Variants in RAB7B observed in about 807,000 individuals in gnomAD.
RAB7B encodes RAB7B, member RAS oncogene family, also known as ras-related protein Rab-7b.
intron 4 of RAB7B, among the ~76,000 whole-genome samples, chr1:205,987,382 C>T (rs1660630116): frequency 1.3e-5 from 2 of 152,162 alleles, no homozygotes; most frequent in African/African-American, 2.4e-5. Context: ...TGCTTTTGGT[C>T]AACAATATAC....
chr1:205,989,676 C>G (rs2102638198), intron 4 of RAB7B, among the ~76,000 whole-genome samples: 1 of 152,260 alleles, frequency 6.6e-6, no homozygotes, highest in East Asian at 1.9e-4. Flanking sequence ...CCACCCCAGC[C>G]CTGGCCCTTC....
At position 205,977,018 on chromosome 1, in the gene RAB7B, C is replaced by T. The variant is rs1660390786; in HGVS notation, c.*1833G>A. On this transcript the variant is annotated 3_prime_UTR_variant, in exon 6 of 6. Coordinates refer to ENST00000617070, the MANE Select transcript of RAB7B (RefSeq NM_001164522.3). ...TGTCCAGAATGAGCCAGTTCACACT[C>T]CAGTGCCACGTGGGGGGAGAAGTGG... 1 of 152,298 alleles carries T rather than the reference C, an allele frequency of 6.6e-6. No individual in the cohort carries two copies. The highest frequency in any genetic ancestry group is 1.5e-5 in the Non-Finnish European group (1 of 68,106). 9.4% of individuals were successfully genotyped at this position (152,298 alleles called of 1,614,324 possible).
Position 205,985,782 on chromosome 1 carries a change from C to CCCCAGCAGG in RAB7B, c.397-118_397-117insCCTGCTGGG. The CCCCAGCAGG allele has an allele frequency of 4.2e-5, 3 of 70,884 alleles. 1 individual carries two copies. The highest frequency in any genetic ancestry group is 4.9e-4 in the Admixed American group (2 of 4,072). 4.4% of individuals were successfully genotyped at this position (70,884 alleles called of 1,614,324 possible). On this transcript the variant is annotated intron_variant, in intron 4 of 5. Coordinates refer to ENST00000617070, the MANE Select transcript of RAB7B (RefSeq NM_001164522.3). ...CCACCATCCCCACCATCCCCATCATCCCCACCAGGCCCACCATCCCCACCA... is the reference window on the plus strand; with the variant it reads ...CCACCATCCCCACCATCCCCATCATCCCCAGCAGGCCCACCAGGCCCACCATCCCCACCA...
At chr1:205,985,212 C>T (rs1660568260) in intron 5 of RAB7B, among the ~76,000 whole-genome samples, 1 of 152,146 alleles carries the variant, frequency 6.6e-6, no homozygotes, top group African/African-American at 2.4e-5. Flanking sequence ...TGGACTAGAC[C>T]ATCACTTCTC....
chr1:206,001,571 T>C lies in RAB7B; in HGVS notation c.-17+1682A>G, dbSNP rs996991095. Among the ~76,000 whole-genome samples, 71 of 152,236 alleles carry C rather than the reference T, an allele frequency of 4.7e-4. 1 individual carries two copies. The highest frequency in any genetic ancestry group is 2.4e-4 in the Non-Finnish European group (16 of 68,044). ...CAAACCAAGGAATCCTCCTAGAGGC[T>C]AGGCTGAGTCATCCTCTACTGTTAA... On this transcript the variant is annotated intron_variant, in intron 1 of 5. Transcript: ENST00000617070.
In RAB7B at chr1:205,977,609, A is replaced by G. The variant is rs1267523327; in HGVS notation, c.*1242T>C. 2 of 152,172 alleles carry G rather than the reference A, an allele frequency of 1.3e-5. No homozygotes were observed. Among genetic ancestry groups the G allele is most frequent in the African/African-American group, 4.8e-5 (2 of 41,416 alleles). The allele number at this position is 152,172 out of a possible 1,614,324, so 9.4% of individuals were successfully genotyped here. A position where few individuals can be genotyped will look rare whatever the true frequency, so the allele number is the denominator to read the frequency against. On this transcript the variant is annotated 3_prime_UTR_variant, in exon 6 of 6. Transcript: ENST00000617070. The stretch of plus-strand genomic sequence containing the variant: ...TCAGGCAGCAGAGCATCTAGGAGCC[A>G]CCCAAGGGAGCTGGGTCCCCTTTGC...
At chr1:205,984,687 C>T (rs1660558120) in intron 5 of RAB7B, among the ~76,000 whole-genome samples, 2 of 152,180 alleles carry the variant, frequency 1.3e-5, no homozygotes, top group Non-Finnish European at 2.9e-5. Flanking sequence ...TACCTGGTGT[C>T]TCAAGGAACC....
At chr1:205,992,045 T>C (rs949397514) in intron 4 of RAB7B, among the ~76,000 whole-genome samples, 1 of 152,192 alleles carries the variant, frequency 6.6e-6, no homozygotes, top group Non-Finnish European at 1.5e-5. Context: ...CAGGCAGAAA[T>C]GCTGTGCCAC....
At chr1:205,980,310 G>T (rs978299479) in intron 5 of RAB7B, among the ~76,000 whole-genome samples, 1 of 152,212 alleles carries the variant, frequency 6.6e-6, no homozygotes, top group Non-Finnish European at 1.5e-5. Flanking sequence ...TGCTAGTGTT[G>T]CCCTAATGAC....
intron 4 of RAB7B, among the ~76,000 whole-genome samples, chr1:205,988,794 G>A (rs1339192675): frequency 6.6e-6 from 1 of 152,136 alleles, no homozygotes; most frequent in East Asian, 1.9e-4. Context: ...TCTGCGGGAC[G>A]GGCTCCGAGG....
chr1:205,978,706 G>T lies in RAB7B; in HGVS notation c.*145C>A, dbSNP rs1167742040. 4 of 393,670 alleles carry T rather than the reference G, an allele frequency of 1.0e-5. No homozygotes were observed. Among genetic ancestry groups the T allele is most frequent in the Non-Finnish European group, 1.8e-5 (4 of 223,410 alleles). 24.4% of individuals were successfully genotyped at this position (393,670 alleles called of 1,614,324 possible). On this transcript the variant is annotated 3_prime_UTR_variant, in exon 6 of 6. Coordinates refer to ENST00000617070, the MANE Select transcript of RAB7B (RefSeq NM_001164522.3). ...ACTCTGGGCCCAGCACCAGGGTCAA[G>T]GGCTCTGCCGCAGAGCTTAGGCCCC...
At chr1:205,991,646 C>A (rs1374792422) in intron 4 of RAB7B, among the ~76,000 whole-genome samples, 2 of 152,330 alleles carry the variant, frequency 1.3e-5, no homozygotes, top group Admixed American at 6.5e-5. Context: ...CCAAATGATG[C>A]CTCATTTCCA....
At chr1:205,999,140 G>T (rs1489088660) in intron 1 of RAB7B, among the ~76,000 whole-genome samples, 1 of 152,196 alleles carries the variant, frequency 6.6e-6, no homozygotes, top group African/African-American at 2.4e-5. Context: ...AGAGAGCTCA[G>T]GGGCTGGATG....
intron 4 of RAB7B, among the ~76,000 whole-genome samples, chr1:205,989,735 G>A (rs984334347): frequency 0.38 from 57,019 of 151,606 alleles, 14,646 homozygotes; most frequent in African/African-American, 0.74. Context: ...TGGTGCCCTC[G>A]CAGCTCTGTC....
Position 205,978,714 on chromosome 1 carries a change from C to A in RAB7B, c.*137G>T, listed in dbSNP as rs1027181536. ...CCCAGCACCAGGGTCAAGGGCTCTG[C>A]CGCAGAGCTTAGGCCCCCTGCACTG... On this transcript the variant is annotated 3_prime_UTR_variant, in exon 6 of 6. Coordinates refer to ENST00000617070, the MANE Select transcript of RAB7B (RefSeq NM_001164522.3). 7.6e-6 allele frequency: 3 copies of A among 394,170 alleles called. No individual in the cohort carries two copies. The highest frequency in any genetic ancestry group is 1.3e-5 in the Non-Finnish European group (3 of 223,680). 24.4% of individuals were successfully genotyped at this position (394,170 alleles called of 1,614,324 possible). A position where few individuals can be genotyped will look rare whatever the true frequency, so the allele number is the denominator to read the frequency against.
At chr1:205,993,617 C>T (rs1385103987) in intron 2 of RAB7B, 71 bp from the exon 3 acceptor site, 1 of 397,658 alleles carries the variant, frequency 2.5e-6, no homozygotes, top group Non-Finnish European at 4.4e-6. Flanking sequence ...CTACCATTCT[C>T]AGAATCTTCC....
At chr1:205,988,868 G>A (rs1380659199) in intron 4 of RAB7B, among the ~76,000 whole-genome samples, 1 of 152,140 alleles carries the variant, frequency 6.6e-6, no homozygotes, top group Non-Finnish European at 1.5e-5. Flanking sequence ...CCGGCCAGGG[G>A]CAGGCAGAGC....
At chr1:205,991,932 A>G (rs1016138814) in intron 4 of RAB7B, among the ~76,000 whole-genome samples, 9 of 152,262 alleles carry the variant, frequency 5.9e-5, no homozygotes, top group Non-Finnish European at 1.0e-4. Context: ...TCAAGTGGTT[A>G]ACCCGATGGT....
At chr1:205,988,074 C>T (rs1427247252) in intron 4 of RAB7B, among the ~76,000 whole-genome samples, 2 of 151,942 alleles carry the variant, frequency 1.3e-5, no homozygotes, top group Admixed American at 6.6e-5. Flanking sequence ...AGTTCATGGG[C>T]ATTCGGTACA....
Sources: gnomAD v4.1 joint callset for allele counts (sites outside exome capture counted in the v4.1 genomes callset) on GRCh38, gnomAD v4.1.1 for gene constraint, MANE v1.5 for transcripts, NCBI Gene and HGNC (gene_info 2026-07-23, HGNC 2026-07-21) for gene names.